CENPU: variants seen among roughly 807,000 people sequenced by gnomAD.
CENPU encodes the protein KSHV latent nuclear antigen interacting protein 1.
In CENPU, 46 loss-of-function variants were observed where a neutral mutation model predicts 56.7. The observed-to-expected ratio is 0.81, with a 90% CI of 0.64 to 1.04. The LOEUF is 1.04. CENPU is among the 50% of genes least tolerant of loss of function. The pLI, the probability that CENPU is intolerant of heterozygous loss-of-function variation, is 0.00. For synonymous variants in CENPU, 166 were observed against 163.0 expected, an observed-to-expected ratio of 1.02 and a Z score of -0.14; for missense variants, 510 against 490.1, an observed-to-expected ratio of 1.04 and a Z score of -0.38.
chr4:184,697,996 C>A, intron 11 of CENPU, 193 bp from the exon 12 acceptor site: 2 of 532,352 alleles, frequency 3.8e-6, no homozygotes, highest in Non-Finnish European at 6.6e-6. Flanking sequence ...CTCTGAAATA[C>A]AATGCACAAT....
chr4:184,700,807 G>A lies in CENPU; in HGVS notation c.986+13C>T, dbSNP rs777089269. 20 of 1,610,964 alleles carry A rather than the reference G, an allele frequency of 1.2e-5. No homozygotes were observed. Among genetic ancestry groups the A allele is most frequent in the Non-Finnish European group, 1.7e-5 (20 of 1,177,228 alleles). On this transcript the variant is annotated intron_variant, in intron 11 of 12. Coordinates refer to ENST00000281453, the MANE Select transcript of CENPU (RefSeq NM_024629.4). ...TTAGGTAAGTGCTCAAACAGGATTT[G>A]ACAGTATCTTACCGAAGCAGTTCAT... is the stretch of plus-strand genomic sequence containing the variant.
intron 6 of CENPU, among the ~76,000 whole-genome samples, chr4:184,715,921 T>G (rs1296300650): frequency 2.1e-5 from 3 of 145,930 alleles, no homozygotes; most frequent in Non-Finnish European, 4.5e-5. Context: ...TTTCCATACC[T>G]TCTAGCTTTT....
Position 184,694,553 on chromosome 4 carries a change from A to C in CENPU, c.*735T>G, listed in dbSNP as rs759968898. 1 of 1,613,446 alleles carries C rather than the reference A, an allele frequency of 6.2e-7. No individual in the cohort carries two copies. Among genetic ancestry groups the C allele is most frequent in the South Asian group, 1.1e-5 (1 of 91,086 alleles). The stretch of plus-strand genomic sequence containing the variant: ...GAGTTTACAACAGATGAAGCAGATG[A>C]AACTAGGAGCAATGAAACCCAGAAT... On this transcript the variant is annotated 3_prime_UTR_variant, in exon 13 of 13. Coordinates refer to ENST00000281453, the MANE Select transcript of CENPU (RefSeq NM_024629.4).
intron 8 of CENPU, among the ~76,000 whole-genome samples, chr4:184,707,058 A>G (rs1336088329): frequency 6.6e-6 from 1 of 151,372 alleles, no homozygotes; most frequent in Non-Finnish European, 1.5e-5. Context: ...GTGTGTTAAC[A>G]GAACTGTCCT....
rs758373618 is a variant in CENPU at position 184,694,604 on chromosome 4, T to C, written c.*684A>G. 1.2e-6 allele frequency: 2 copies of C among 1,614,034 alleles called. No individual in the cohort carries two copies. The highest frequency in any genetic ancestry group is 8.5e-7 in the Non-Finnish European group (1 of 1,179,998). ...CCTCATAAACCATCACCTAGCAGGC[T>C]GTCAACAGGTGCATCTGCTGATGCT... On this transcript the variant is annotated 3_prime_UTR_variant, in exon 13 of 13. Coordinates refer to ENST00000281453, the MANE Select transcript of CENPU (RefSeq NM_024629.4).
In CENPU at chr4:184,694,484, C is replaced by T. The variant is rs111245648; in HGVS notation, c.*804G>A. The T allele has an allele frequency of 9.4e-6, 15 of 1,588,920 alleles. No individual in the cohort carries two copies. The highest frequency in any genetic ancestry group is 5.2e-5 in the Admixed American group (3 of 57,232). On this transcript the variant is annotated 3_prime_UTR_variant, in exon 13 of 13. Transcript: ENST00000281453. ...ATCACATATCCTGAGTAAATATTTT[C>T]CTATCCCACTCTCTATCCCTTCACC... is the stretch of plus-strand genomic sequence containing the variant.
Position 184,722,791 on chromosome 4 carries a change from A to G in CENPU, c.320+2166T>C, listed in dbSNP as rs56085520. On this transcript the variant is annotated intron_variant, in intron 4 of 12. Transcript: ENST00000281453. ...ATGAAGAAAATGACCAACATCAACT[A>G]GAAAATAGGAAAAAGGATATAAACA... 7.2e-3 allele frequency among the ~76,000 whole-genome samples: 1,100 copies of G among 152,290 alleles called. 15 individuals are homozygous for G. The highest frequency in any genetic ancestry group is 0.025 in the African/African-American group (1,043 of 41,568).
intron 3 of CENPU, among the ~76,000 whole-genome samples, chr4:184,726,428 G>C (rs1393326877): frequency 2.0e-5 from 3 of 152,044 alleles, no homozygotes; most frequent in African/African-American, 7.2e-5. Flanking sequence ...AACACCATTA[G>C]TAATTAGGGA....
At chr4:184,731,143 C>G (rs1761630259) in intron 1 of CENPU, among the ~76,000 whole-genome samples, 175 bp from the exon 2 acceptor site, 1 of 151,884 alleles carries the variant, frequency 6.6e-6, no homozygotes, top group South Asian at 2.1e-4. Flanking sequence ...TAACATACCT[C>G]TCCCCCTCAG....
intron 11 of CENPU, among the ~76,000 whole-genome samples, chr4:184,699,102 C>T (rs2005410): frequency 0.18 from 27,062 of 151,712 alleles, 2,715 homozygotes; most frequent in African/African-American, 0.26. Context: ...CCAAGGCAGG[C>T]GAATCACGAG....
At position 184,705,580 on chromosome 4, in the gene CENPU, A is replaced by T. The variant is rs780867216; in HGVS notation, c.798-3139T>A. Among the ~76,000 whole-genome samples, 39 of 94,634 alleles carry T rather than the reference A, an allele frequency of 4.1e-4. 1 individual carries two copies. In the South Asian group the frequency reaches 7.4e-3, roughly 18 times the overall value. 62.1% of individuals were successfully genotyped at this position (94,634 alleles called of 152,430 possible). On this transcript the variant is annotated intron_variant, in intron 8 of 12. Coordinates refer to ENST00000281453, the MANE Select transcript of CENPU (RefSeq NM_024629.4). ...TTATCTCAAAAGAAGACATTTAATT[A>T]AAAAAAAAAGTTGTAACTTGTTATT...
intron 7 of CENPU, among the ~76,000 whole-genome samples, chr4:184,710,830 T>G (rs894485662): frequency 2.6e-5 from 4 of 152,208 alleles, no homozygotes; most frequent in African/African-American, 7.2e-5. Context: ...GTTATCAATT[T>G]GCAAAGCATA....
Position 184,697,809 on chromosome 4 carries a change from A to T in CENPU, c.987-6T>A, listed in dbSNP as rs761107009. 4 of 1,589,584 alleles carry T rather than the reference A, an allele frequency of 2.5e-6. No homozygotes were observed. The highest frequency in any genetic ancestry group is 3.4e-6 in the Non-Finnish European group (4 of 1,172,508). On this transcript the variant is annotated splice_region_variant and splice_polypyrimidine_tract_variant and intron_variant, in intron 11 of 12. Transcript: ENST00000281453. ...GTTTCAGCTGTGGCTCTAACCTAAAACAAAAATAAGTGACAAATAATAAAA... is the reference window on the plus strand; with the variant it reads ...GTTTCAGCTGTGGCTCTAACCTAAATCAAAAATAAGTGACAAATAATAAAA...
chr4:184,723,379 A>AGAT (rs1761342142), intron 4 of CENPU, among the ~76,000 whole-genome samples: 1 of 152,214 alleles, frequency 6.6e-6, no homozygotes, highest in Non-Finnish European at 1.5e-5. Context: ...TCTAGGAGCT[A>AGAT]GATGGATAGT....
chr4:184,720,329 CA>C (rs1761233408), intron 4 of CENPU, among the ~76,000 whole-genome samples: 1 of 151,672 alleles, frequency 6.6e-6, no homozygotes, highest in African/African-American at 2.4e-5. Flanking sequence ...TTTGAAAATA[CA>C]GTCAGAGGAA....
At chr4:184,731,688 A>G (rs926318133) in intron 1 of CENPU, among the ~76,000 whole-genome samples, 9 of 150,894 alleles carry the variant, frequency 6.0e-5, no homozygotes, top group African/African-American at 2.2e-4. Context: ...GGGATACTCC[A>G]GGAGAATACA....
At chr4:184,696,506 C>T (rs1760323130) in intron 12 of CENPU, among the ~76,000 whole-genome samples, 1 of 152,086 alleles carries the variant, frequency 6.6e-6, no homozygotes, top group South Asian at 2.1e-4. Context: ...TAACAAACTC[C>T]AAATCATAAG....
rs1442087067 is a variant in CENPU, at chr4:184,711,089, TC to T, written c.689-910del. 9.7e-3 allele frequency among the ~76,000 whole-genome samples: 1,477 copies of T among 152,164 alleles called. 30 individuals carry two copies. The highest frequency in any genetic ancestry group is 0.04 in the South Asian group (192 of 4,824). ...CCAGGCTGGTCTTGAACTCCTGGGC[TC>T]AAGCAATCTCTCACCTCAGCCTCCC... On this transcript the variant is annotated intron_variant, in intron 7 of 12. Coordinates refer to ENST00000281453, the MANE Select transcript of CENPU (RefSeq NM_024629.4).
intron 12 of CENPU, among the ~76,000 whole-genome samples, chr4:184,696,133 T>A (rs1310249096): frequency 1.3e-5 from 2 of 152,216 alleles, no homozygotes; most frequent in Non-Finnish European, 2.9e-5. Context: ...GTTTTCAAGA[T>A]GACAGCAGAA....
Sources: allele counts gnomAD v4.1 joint callset (sites outside exome capture counted in the v4.1 genomes callset), GRCh38; gene constraint gnomAD v4.1.1; transcripts MANE v1.5; gene names NCBI Gene and HGNC (gene_info 2026-07-23, HGNC 2026-07-21).